The following AFF2 variants were observed in gnomAD, a reference collection of about 807,000 sequenced individuals.
AFF2 encodes the protein ALF transcription elongation factor 2.
Under a neutral mutation model 76.9 loss-of-function variants are expected in AFF2, and 14 were observed. The ratio of observed to expected loss-of-function variants is 0.18; its 90% CI spans 0.12 to 0.28. The LOEUF is 0.28. AFF2 is among the 10% of genes least tolerant of loss of function. AFF2 has a pLI of 1.00. For missense variants in AFF2, 868 were observed against 1,001.1 expected, an observed-to-expected ratio of 0.87 and a Z score of 1.79; for synonymous variants, 398 against 366.7, an observed-to-expected ratio of 1.09 and a Z score of -0.98.
intron 9 of AFF2, among the ~76,000 whole-genome samples, chrX:148,933,838 A>G (rs1228409166): frequency 8.9e-6 from 1 of 111,907 alleles, no homozygotes; most frequent in Non-Finnish European, 1.9e-5. Context: ...CTTGTTATCT[A>G]TTACCAATAT....
intron 1 of AFF2, among the ~76,000 whole-genome samples, chrX:148,578,974 G>A (rs1289875967): frequency 2.7e-5 from 3 of 111,328 alleles, no homozygotes; most frequent in African/African-American, 9.8e-5. Flanking sequence ...GGTTCCACTA[G>A]AAAGGATGCC....
chrX:148,534,184 T>C (rs1220151594), intron 1 of AFF2, among the ~76,000 whole-genome samples: 4 of 112,002 alleles, frequency 3.6e-5, no homozygotes, highest in Non-Finnish European at 7.5e-5. Flanking sequence ...CATAGGGATG[T>C]GAGTGAAAGC....
At chrX:148,754,206 A>G (rs1344622338) in intron 3 of AFF2, among the ~76,000 whole-genome samples, 1 of 111,783 alleles carries the variant, frequency 8.9e-6, no homozygotes, top group African/African-American at 3.3e-5. Flanking sequence ...CCATTATGCC[A>G]CATACAATAT....
At chrX:148,677,025 G>T (rs1470907647) in intron 3 of AFF2, among the ~76,000 whole-genome samples, 4 of 111,047 alleles carry the variant, frequency 3.6e-5, no homozygotes, top group African/African-American at 1.3e-4. Flanking sequence ...GAGGCAGAAA[G>T]ATTGAAAAGG....
chrX:148,920,959 C>T (rs1335766735), intron 9 of AFF2, among the ~76,000 whole-genome samples: 1 of 110,945 alleles, frequency 9.0e-6, no homozygotes, highest in Non-Finnish European at 1.9e-5. Context: ...TGTCTTTAGG[C>T]AACATGTTTC....
chrX:148,965,082 G>T (rs1461083868), intron 13 of AFF2, among the ~76,000 whole-genome samples: 4 of 112,359 alleles, frequency 3.6e-5, no homozygotes, highest in African/African-American at 1.3e-4. Flanking sequence ...TTTGAGTGCA[G>T]AGCAGGGAGA....
chrX:148,646,871 C>T (rs1170276150), intron 1 of AFF2, among the ~76,000 whole-genome samples: 1 of 111,966 alleles, frequency 8.9e-6, no homozygotes, highest in Non-Finnish European at 1.9e-5. Context: ...TGTGTTTTTA[C>T]TCTATATGTG....
chrX:148,917,021 AT>A (rs1240963886), intron 9 of AFF2, among the ~76,000 whole-genome samples: 12 of 112,599 alleles, frequency 1.1e-4, no homozygotes, highest in East Asian at 8.3e-4. Flanking sequence ...AATAAGTATG[AT>A]TTTGTGCTGC....
chrX:148,985,321 T>TTTGA (rs2072457359), intron 19 of AFF2, among the ~76,000 whole-genome samples: 1 of 84,473 alleles, frequency 1.2e-5, no homozygotes, highest in Non-Finnish European at 2.2e-5. Context: ...TTTTTTTTTA[T>TTTGA]GATACAGCCT....
intron 16 of AFF2, among the ~76,000 whole-genome samples, chrX:148,975,100 G>T (rs1301993579): frequency 8.9e-6 from 1 of 111,763 alleles, no homozygotes; most frequent in Non-Finnish European, 1.9e-5. Context: ...GCCTAGCAGT[G>T]AACCAGACCT....
intron 4 of AFF2, among the ~76,000 whole-genome samples, chrX:148,836,344 T>C (rs2070525119): frequency 8.9e-6 from 1 of 111,865 alleles, no homozygotes; most frequent in African/African-American, 3.3e-5. Flanking sequence ...CTGTGAAGTA[T>C]CTCCTTGCAT....
chrX:148,762,598 A>G (rs2069465710), intron 3 of AFF2, among the ~76,000 whole-genome samples: 1 of 109,137 alleles, frequency 9.2e-6, no homozygotes, highest in African/African-American at 3.4e-5. Flanking sequence ...TGCTTAAGCT[A>G]GATCTGCCAT....
intron 3 of AFF2, among the ~76,000 whole-genome samples, chrX:148,697,772 A>G (rs1386803857): frequency 8.9e-6 from 1 of 111,803 alleles, no homozygotes; most frequent in East Asian, 2.8e-4. Flanking sequence ...GTCTGCAAGC[A>G]CCTGGTGGGG....
chrX:148,976,552 A>G (rs1398205922), intron 16 of AFF2, among the ~76,000 whole-genome samples: 1 of 112,190 alleles, frequency 8.9e-6, no homozygotes, highest in Non-Finnish European at 1.9e-5. Flanking sequence ...CTCCACTATC[A>G]AGTCACTTCA....
chrX:148,597,389 G>A (rs1365361857), intron 1 of AFF2, among the ~76,000 whole-genome samples: 1 of 110,884 alleles, frequency 9.0e-6, no homozygotes, highest in Non-Finnish European at 1.9e-5. Context: ...TTGTTCTAGG[G>A]TATTATTAAG....
In AFF2 at chrX:148,995,263, A is replaced by G. The variant is rs2072582140; in HGVS notation, c.*3931A>G. ...CAACAGAAGTGGCATCTGTGTATTC[A>G]TAATCAGCATTTACCCTGGCAGGAG... On this transcript the variant is annotated 3_prime_UTR_variant, in exon 21 of 21. Coordinates refer to ENST00000370460, the MANE Select transcript of AFF2 (RefSeq NM_002025.4). 1 of 110,950 alleles carries G rather than the reference A, an allele frequency of 9.0e-6. No homozygotes were observed. Among genetic ancestry groups the G allele is most frequent in the South Asian group, 3.9e-4 (1 of 2,542 alleles). The allele number at this position is 110,950 out of a possible 1,213,427, so 9.1% of individuals were successfully genotyped here.
At chrX:148,526,390 A>G (rs868996073) in intron 1 of AFF2, among the ~76,000 whole-genome samples, 3 of 38,613 alleles carry the variant, frequency 7.8e-5, no homozygotes, top group African/African-American at 1.1e-4. Flanking sequence ...TTTTTTTTTG[A>G]TGCACAAATT....
intron 8 of AFF2, among the ~76,000 whole-genome samples, chrX:148,895,024 A>G (rs1172901120): frequency 9.0e-6 from 1 of 111,495 alleles, no homozygotes; most frequent in African/African-American, 3.3e-5. Flanking sequence ...TGGAGTCTGC[A>G]GTCCGGATTC....
intron 2 of AFF2, among the ~76,000 whole-genome samples, chrX:148,654,537 C>T (rs1557256786): frequency 9.0e-6 from 1 of 110,631 alleles, no homozygotes; most frequent in Non-Finnish European, 1.9e-5. Context: ...TAAACGTGAA[C>T]ATGTTTAGAG....
Sources: gnomAD v4.1 joint callset for allele counts (sites outside exome capture counted in the v4.1 genomes callset) on GRCh38, gnomAD v4.1.1 for gene constraint, MANE v1.5 for transcripts, NCBI Gene and HGNC (gene_info 2026-07-23, HGNC 2026-07-21) for gene names.